KCNQ3: variants seen among roughly 807,000 people sequenced by gnomAD.
KCNQ3 encodes the protein potassium voltage-gated channel subfamily Q member 3.
In KCNQ3, 30 loss-of-function variants were observed where a neutral mutation model predicts 92.5. That is an observed-to-expected ratio of 0.32 (90% CI 0.24 to 0.44). KCNQ3 has a LOEUF of 0.44. Among genes scored for constraint, KCNQ3 ranks in the 20% least tolerant of loss-of-function variants. The probability of loss-of-function intolerance (pLI) is 1.00; values close to 1 mark genes in which losing one functional copy is unlikely to be tolerated. For missense variants in KCNQ3, 913 were observed against 1,140.3 expected (o/e 0.80, Z 2.87); for synonymous variants, 450 against 468.8 (o/e 0.96, Z 0.52).
intron 1 of KCNQ3, among the ~76,000 whole-genome samples, chr8:132,360,098 G>C (rs1210719469): frequency 1.3e-5 from 2 of 152,170 alleles, no homozygotes; most frequent in African/African-American, 2.4e-5. Flanking sequence ...AGCACAGCTA[G>C]GTCAATGACC....
chr8:132,396,411 T>A (rs1433353893), intron 1 of KCNQ3, among the ~76,000 whole-genome samples: 1 of 149,468 alleles, frequency 6.7e-6, no homozygotes, highest in Non-Finnish European at 1.5e-5. Flanking sequence ...CTCAGAGCCA[T>A]GAACTTGGTA....
intron 1 of KCNQ3, among the ~76,000 whole-genome samples, chr8:132,315,596 C>T (rs975550539): frequency 3.3e-5 from 5 of 152,084 alleles, no homozygotes; most frequent in African/African-American, 9.7e-5. Flanking sequence ...CCCCAACTTT[C>T]GGGTTGAGAT....
At chr8:132,287,799 G>A (rs919232395) in intron 1 of KCNQ3, among the ~76,000 whole-genome samples, 1 of 152,122 alleles carries the variant, frequency 6.6e-6, no homozygotes, top group Non-Finnish European at 1.5e-5. Context: ...AATGAGATGG[G>A]TAATAACTGC....
intron 13 of KCNQ3, among the ~76,000 whole-genome samples, chr8:132,132,557 C>T (rs1313055491): frequency 2.0e-5 from 3 of 152,248 alleles, no homozygotes; most frequent in African/African-American, 4.8e-5. Flanking sequence ...AAGCACCTAA[C>T]AGTACCTAGA....
At chr8:132,328,899 A>C (rs1818146605) in intron 1 of KCNQ3, among the ~76,000 whole-genome samples, 1 of 152,116 alleles carries the variant, frequency 6.6e-6, no homozygotes, top group Admixed American at 6.5e-5. Flanking sequence ...GTATCTCCCC[A>C]AAGTATTCTC....
chr8:132,173,454 C>T (rs1826448238), intron 6 of KCNQ3, among the ~76,000 whole-genome samples: 1 of 152,072 alleles, frequency 6.6e-6, no homozygotes, highest in East Asian at 1.9e-4. Flanking sequence ...AAGTTTTTTT[C>T]AAGCTTCATG....
chr8:132,355,983 G>A (rs1819008869), intron 1 of KCNQ3, among the ~76,000 whole-genome samples: 1 of 152,160 alleles, frequency 6.6e-6, no homozygotes, highest in African/African-American at 2.4e-5. Context: ...AGGTAAACAT[G>A]GCTTTGAGGC....
At chr8:132,213,392 A>G (rs1813925072) in intron 1 of KCNQ3, among the ~76,000 whole-genome samples, 1 of 152,124 alleles carries the variant, frequency 6.6e-6, no homozygotes, top group Admixed American at 6.5e-5. Flanking sequence ...GGGGGGAAAA[A>G]GGATTCTGGC....
Position 132,480,670 on chromosome 8 carries a change from AC to A in KCNQ3, c.-139del, listed in dbSNP as rs879019805. ...TGCCATGATCCGCGCGCCCCTCCCCACCCCCCCCCAAAAGCAGGCAAAGGCG... is the reference window on the plus strand; with the variant it reads ...TGCCATGATCCGCGCGCCCCTCCCCACCCCCCCCAAAAGCAGGCAAAGGCG... On this transcript the variant is annotated 5_prime_UTR_variant, in exon 1 of 15. Transcript: ENST00000388996. 17,374 of 725,244 alleles carry A rather than the reference AC, an allele frequency of 0.024. 244 individuals are homozygous for A. The highest frequency in any genetic ancestry group is 0.027 in the Non-Finnish European group (16,015 of 598,824). The allele number at this position is 725,244 out of a possible 1,614,324, so 44.9% of individuals were successfully genotyped here.
intron 7 of KCNQ3, among the ~76,000 whole-genome samples, chr8:132,172,202 C>A (rs1266211064): frequency 6.6e-6 from 1 of 151,374 alleles, no homozygotes. Flanking sequence ...ACCACCGTAT[C>A]AAAAAAAAGC....
chr8:132,310,975 T>C (rs1817576681), intron 1 of KCNQ3, among the ~76,000 whole-genome samples: 1 of 150,600 alleles, frequency 6.6e-6, no homozygotes, highest in East Asian at 2.0e-4. Context: ...GGAGTCTAGC[T>C]CTGTCGCCAG....
chr8:132,239,301 G>T (rs1262654859), intron 1 of KCNQ3, among the ~76,000 whole-genome samples: 1 of 152,150 alleles, frequency 6.6e-6, no homozygotes. Flanking sequence ...TTGGCAAATT[G>T]CTAAATCCAA....
chr8:132,361,080 A>T (rs1225175656), intron 1 of KCNQ3, among the ~76,000 whole-genome samples: 1 of 152,182 alleles, frequency 6.6e-6, no homozygotes, highest in Non-Finnish European at 1.5e-5. Flanking sequence ...CAAGCTTCCC[A>T]AATTCCAGCT....
At chr8:132,133,334 T>C (rs1824945115) in intron 13 of KCNQ3, among the ~76,000 whole-genome samples, 1 of 149,370 alleles carries the variant, frequency 6.7e-6, no homozygotes, top group East Asian at 2.0e-4. Flanking sequence ...CTTTCTATCA[T>C]CACGTTAATG....
In KCNQ3 at chr8:132,453,675, GT is replaced by G. The variant is rs34672514; in HGVS notation, c.386+26471del. Among the ~76,000 whole-genome samples the G allele has an allele frequency of 3.1e-3, 462 of 149,576 alleles. 1 individual carries two copies. The highest frequency in any genetic ancestry group is 0.011 in the African/African-American group (433 of 40,850). On this transcript the variant is annotated intron_variant, in intron 1 of 14. Coordinates refer to ENST00000388996, the MANE Select transcript of KCNQ3 (RefSeq NM_004519.4). ...ATGATCAGTCAATTCTCATTGATCTGTTTTTTTTTTATCATCTCTGAGCACA... is the reference window on the plus strand; with the variant it reads ...ATGATCAGTCAATTCTCATTGATCTGTTTTTTTTTATCATCTCTGAGCACA...
At chr8:132,452,744 C>G (rs983673433) in intron 1 of KCNQ3, among the ~76,000 whole-genome samples, 5 of 152,134 alleles carry the variant, frequency 3.3e-5, no homozygotes, top group African/African-American at 1.2e-4. Context: ...ATAGAGGATT[C>G]AGGTCATTTT....
intron 1 of KCNQ3, among the ~76,000 whole-genome samples, chr8:132,194,605 G>A (rs1468766316): frequency 2.0e-5 from 3 of 152,178 alleles, no homozygotes; most frequent in East Asian, 1.9e-4. Context: ...TTATTGATTC[G>A]TGATGTCTGT....
intron 1 of KCNQ3, among the ~76,000 whole-genome samples, chr8:132,352,508 C>T (rs149316657): frequency 5.9e-5 from 9 of 152,278 alleles, no homozygotes; most frequent in African/African-American, 2.4e-5. Context: ...AGGAAACTCA[C>T]TGCCCCGAGC....
intron 1 of KCNQ3, among the ~76,000 whole-genome samples, chr8:132,305,113 T>TA (rs1373347222): frequency 1.3e-5 from 2 of 152,232 alleles, no homozygotes; most frequent in African/African-American, 4.8e-5. Context: ...TGGCTTCTGA[T>TA]AGAGTTTGGT....
Sources: allele counts gnomAD v4.1 joint callset (sites outside exome capture counted in the v4.1 genomes callset), GRCh38; gene constraint gnomAD v4.1.1; transcripts MANE v1.5; gene names NCBI Gene and HGNC (gene_info 2026-07-23, HGNC 2026-07-21).